The following MAP3K20 variants were observed in gnomAD, a reference collection of about 807,000 sequenced individuals.
MAP3K20 encodes mitogen-activated protein kinase kinase kinase 20.
MAP3K20 carries 40 observed loss-of-function variants against 85.7 expected under a neutral mutation model. The observed-to-expected ratio is 0.47, with a 90% CI of 0.36 to 0.61. MAP3K20 has a LOEUF of 0.61. Among genes scored for constraint, MAP3K20 ranks in the 20% least tolerant of loss-of-function variants. The pLI, the probability that MAP3K20 is intolerant of heterozygous loss-of-function variation, is 0.00. For synonymous variants in MAP3K20, 325 were observed against 327.7 expected, an observed-to-expected ratio of 0.99 and a Z score of 0.09; for missense variants, 817 against 961.7, an observed-to-expected ratio of 0.85 and a Z score of 1.99.
chr2:173,107,237 C>T (rs2106167656), intron 2 of MAP3K20, among the ~76,000 whole-genome samples: 1 of 152,266 alleles, frequency 6.6e-6, no homozygotes, highest in East Asian at 1.9e-4. Context: ...CCACCAAGCT[C>T]TGCAGAGCAA....
In MAP3K20 at chr2:173,267,998, T is replaced by C. The variant is rs1685459896; in HGVS notation, c.*1248T>C. The stretch of plus-strand genomic sequence containing the variant: ...TTATTGTATGTCAAATCAATAAATG[T>C]TACTTTCAATATTCTGAGATTCTGT... On this transcript the variant is annotated 3_prime_UTR_variant, in exon 20 of 20. Coordinates refer to ENST00000375213, the MANE Select transcript of MAP3K20 (RefSeq NM_016653.3). 6.6e-6 allele frequency: 1 copy of C among 152,232 alleles called. No individual in the cohort carries two copies. Among genetic ancestry groups the C allele is most frequent in the African/African-American group, 2.4e-5 (1 of 41,458 alleles). 9.4% of individuals were successfully genotyped at this position (152,232 alleles called of 1,614,324 possible). A position where few individuals can be genotyped will look rare whatever the true frequency, so the allele number is the denominator to read the frequency against.
intron 2 of MAP3K20, among the ~76,000 whole-genome samples, chr2:173,136,501 A>G (rs1688804068): frequency 6.6e-6 from 1 of 152,224 alleles, no homozygotes; most frequent in Non-Finnish European, 1.5e-5. Context: ...TCGACAGAGA[A>G]GGAAAGAAGC....
At chr2:173,110,724 T>C (rs1687949135) in intron 2 of MAP3K20, among the ~76,000 whole-genome samples, 1 of 152,156 alleles carries the variant, frequency 6.6e-6, no homozygotes, top group Non-Finnish European at 1.5e-5. Context: ...TCTCCTCCAA[T>C]CTCATCCAGA....
Position 173,190,893 on chromosome 2 carries a change from AG to A in MAP3K20, c.416-1del. 6.3e-7 allele frequency: 1 copy of A among 1,583,340 alleles called. No individual in the cohort carries two copies. The highest frequency in any genetic ancestry group is 8.6e-7 in the Non-Finnish European group (1 of 1,161,482). On this transcript the variant is annotated splice_acceptor_variant, in intron 5 of 19. Coordinates refer to ENST00000375213, the MANE Select transcript of MAP3K20 (RefSeq NM_016653.3). LOFTEE classifies it high-confidence loss of function. ...ATAATTTATCCTTTTTTCTTTTTTT[AG>A]TTGTTATAGCTGCTGATGGAGTATT...
At position 173,115,723 on chromosome 2, in the gene MAP3K20, G is replaced by T. The variant is rs546520806; in HGVS notation, c.159+24533G>T. On this transcript the variant is annotated intron_variant, in intron 2 of 19. Transcript: ENST00000375213. ...ACTCAGCAAGTCTACCAGGCTCCAGGCTGGTACTGGGGGTTGTCTGCACAG... is the reference window on the plus strand; with the variant it reads ...ACTCAGCAAGTCTACCAGGCTCCAGTCTGGTACTGGGGGTTGTCTGCACAG... Among the ~76,000 whole-genome samples the T allele has an allele frequency of 3.2e-3, 488 of 152,248 alleles. 1 individual carries two copies. The highest frequency in any genetic ancestry group is 0.011 in the African/African-American group (462 of 41,540).
At chr2:173,088,992 G>A (rs1045837353) in intron 1 of MAP3K20, among the ~76,000 whole-genome samples, 1 of 152,156 alleles carries the variant, frequency 6.6e-6, no homozygotes, top group African/African-American at 2.4e-5. Context: ...CCAAAGTAGA[G>A]CAGCGTTTGA....
At chr2:173,158,301 T>C (rs1462218235) in intron 2 of MAP3K20, among the ~76,000 whole-genome samples, 1 of 152,144 alleles carries the variant, frequency 6.6e-6, no homozygotes, top group African/African-American at 2.4e-5. Context: ...AAAAAATGTT[T>C]AGAAGGACCT....
rs1218393959 is a variant in MAP3K20, at chr2:173,075,989, C to G, written c.-48C>G. ...GCGCCCCCGGCTGCTGCTCACGCCC[C>G]GCCCGGGAGCCAGGTAGGGGTCAGG... On this transcript the variant is annotated 5_prime_UTR_variant, in exon 1 of 20. Coordinates refer to ENST00000375213, the MANE Select transcript of MAP3K20 (RefSeq NM_016653.3). The G allele has an allele frequency of 2.0e-6, 2 of 984,806 alleles. No homozygotes were observed. Among genetic ancestry groups the G allele is most frequent in the African/African-American group, 3.5e-5 (2 of 57,162 alleles). 61.0% of individuals were successfully genotyped at this position (984,806 alleles called of 1,614,324 possible).
chr2:173,108,122 C>T (rs1242475399), intron 2 of MAP3K20, among the ~76,000 whole-genome samples: 1 of 148,844 alleles, frequency 6.7e-6, no homozygotes. Context: ...GTGTTATAAA[C>T]TGGGATTTTT....
intron 2 of MAP3K20, among the ~76,000 whole-genome samples, chr2:173,125,351 T>C (rs1688410769): frequency 6.6e-6 from 1 of 152,190 alleles, no homozygotes. Context: ...CTAAAGAATG[T>C]ATATTGTTTT....
Position 173,266,334 on chromosome 2 carries a change from A to C in MAP3K20, c.1987A>C (p.Asn663His). 1.9e-6 allele frequency: 3 copies of C among 1,614,160 alleles called. No homozygotes were observed. Among genetic ancestry groups the C allele is most frequent in the Non-Finnish European group, 2.5e-6 (3 of 1,180,014 alleles). The change falls in exon 20 of 20, where the codon AAT becomes CAT. Residue 663 changes from asparagine (N) to histidine (H), a missense_variant. Around this residue, in one of 4 missense-constraint regions of MAP3K20, gnomAD observed 454 missense variants for 476.9 expected, o/e 0.95. Transcript: ENST00000375213. ...NSRDSGFSSG[N>H]TDTSSERGRY... ...TAGGGACAGTGGCTTTTCCAGTGGC[A>C]ATACTGACACCTCTTCAGAGAGGGG...
At chr2:173,130,905 A>G (rs1472059982) in intron 2 of MAP3K20, among the ~76,000 whole-genome samples, 1 of 152,248 alleles carries the variant, frequency 6.6e-6, no homozygotes. Context: ...GGATCTATCA[A>G]AATTCTACTG....
chr2:173,235,512 G>T (rs1165035419), intron 14 of MAP3K20, among the ~76,000 whole-genome samples: 3 of 152,214 alleles, frequency 2.0e-5, no homozygotes, highest in African/African-American at 4.8e-5. Context: ...TATTGTATGA[G>T]ACATCCTGAA....
chr2:173,159,351 T>TTCTTTCTTTCCTC (rs1361770745), intron 2 of MAP3K20, among the ~76,000 whole-genome samples: 2 of 151,512 alleles, frequency 1.3e-5, no homozygotes, highest in African/African-American at 4.8e-5. Flanking sequence ...ATTTTACTCT[T>TTCTTTCTTTCCTC]TCTTTCTTTC....
intron 9 of MAP3K20, among the ~76,000 whole-genome samples, chr2:173,205,820 CAGTTGCATGGTTT>C (rs1683665604): frequency 6.6e-6 from 1 of 152,096 alleles, no homozygotes. Context: ...TTTGATGACA[CAGTTGCATGGTTT>C]TTGAATGGTC....
chr2:173,102,511 A>T (rs1197759804), intron 2 of MAP3K20, among the ~76,000 whole-genome samples: 1 of 152,216 alleles, frequency 6.6e-6, no homozygotes, highest in African/African-American at 2.4e-5. Flanking sequence ...CCTGAGAAAA[A>T]TTAAGGTGTC....
chr2:173,237,464 CA>C (rs1408291904), intron 14 of MAP3K20, among the ~76,000 whole-genome samples: 1 of 152,174 alleles, frequency 6.6e-6, no homozygotes. Context: ...GTGTTCATTA[CA>C]TTGTCAGCTG....
chr2:173,154,083 A>AC (rs1487432735), intron 2 of MAP3K20, among the ~76,000 whole-genome samples: 130 of 152,216 alleles, frequency 8.5e-4, no homozygotes, highest in African/African-American at 3.0e-3. Flanking sequence ...TAGCAATTCC[A>AC]TTACCTGCCT....
chr2:173,226,112 G>A (rs918948628), intron 11 of MAP3K20: 7 of 980,938 alleles, frequency 7.1e-6, no homozygotes, highest in South Asian at 4.8e-5. Flanking sequence ...GATTTTTAAC[G>A]TGCAGTGAAT....
Sources: gnomAD v4.1 joint callset for allele counts (sites outside exome capture counted in the v4.1 genomes callset) on GRCh38, gnomAD v4.1.1 for gene constraint, gnomAD v4.1.1 regional missense constraint, MANE v1.5 for transcripts, NCBI Gene and HGNC (gene_info 2026-07-23, HGNC 2026-07-21) for gene names.